ASAP2: variants seen among roughly 807,000 people sequenced by gnomAD.
ASAP2 encodes the protein arf-GAP with SH3 domain, ANK repeat and PH domain-containing protein 2.
A neutral mutation model predicts 131.4 loss-of-function variants in ASAP2; 45 were observed. The observed-to-expected ratio is 0.34, with a 90% CI of 0.27 to 0.44. The LOEUF is 0.44. ASAP2 is among the 20% of genes least tolerant of loss of function. ASAP2 has a pLI of 1.00. For synonymous variants in ASAP2, 510 were observed against 503.0 expected (o/e 1.01, Z -0.19); for missense variants, 1,011 against 1,297.0 (o/e 0.78, Z 3.39).
At position 9,388,284 on chromosome 2, in the gene ASAP2, TCTC is replaced by T; in HGVS notation, c.2131-7_2131-5del. ...GTCTCACACGCCTCTGCCCCAATGTTCTCCTGCAGCCCAGTCCCAACCGGCGGG... is the reference window on the plus strand; with the variant it reads ...GTCTCACACGCCTCTGCCCCAATGTTCTGCAGCCCAGTCCCAACCGGCGGG... On this transcript the variant is annotated splice_region_variant and splice_polypyrimidine_tract_variant and intron_variant, in intron 21 of 27. Transcript: ENST00000281419. 1 of 1,613,038 alleles carries T rather than the reference TCTC, an allele frequency of 6.2e-7. No individual in the cohort carries two copies. Among genetic ancestry groups the T allele is most frequent in the South Asian group, 1.1e-5 (1 of 90,920 alleles).
intron 11 of ASAP2, among the ~76,000 whole-genome samples, chr2:9,348,290 T>C (rs1259863817): frequency 6.6e-6 from 1 of 150,462 alleles, no homozygotes; most frequent in Non-Finnish European, 1.5e-5. Context: ...CTAATTTTTG[T>C]ATTTTTAGTA....
chr2:9,297,791 C>T (rs1668237393), intron 3 of ASAP2, among the ~76,000 whole-genome samples: 1 of 152,126 alleles, frequency 6.6e-6, no homozygotes, highest in African/African-American at 2.4e-5. Context: ...GGCATTTAAG[C>T]TTATAATATT....
intron 1 of ASAP2, among the ~76,000 whole-genome samples, chr2:9,236,792 AT>A (rs944528857): frequency 2.7e-5 from 4 of 150,934 alleles, no homozygotes; most frequent in South Asian, 2.1e-4. Context: ...GCACAGTTAA[AT>A]TTTTTTTTTC....
intron 9 of ASAP2, among the ~76,000 whole-genome samples, chr2:9,343,095 C>G (rs550975935): frequency 5.9e-5 from 9 of 152,284 alleles, no homozygotes; most frequent in African/African-American, 1.7e-4. Flanking sequence ...GAGAGTGGCC[C>G]TAGACTCTGA....
At chr2:9,374,272 A>G (rs542941915) in intron 16 of ASAP2, among the ~76,000 whole-genome samples, 9 of 152,320 alleles carry the variant, frequency 5.9e-5, no homozygotes, top group Non-Finnish European at 1.3e-4. Context: ...AAAAGAGGTC[A>G]TAGTCCATGC....
At chr2:9,229,063 G>C (rs544632981) in intron 1 of ASAP2, among the ~76,000 whole-genome samples, 6 of 152,242 alleles carry the variant, frequency 3.9e-5, no homozygotes, top group African/African-American at 1.2e-4. Context: ...GCTAGGGGCG[G>C]AAAGTGGACA....
intron 9 of ASAP2, among the ~76,000 whole-genome samples, chr2:9,338,935 T>C (rs1382109296): frequency 1.3e-5 from 2 of 152,134 alleles, no homozygotes; most frequent in Non-Finnish European, 2.9e-5. Flanking sequence ...CCCAGCACTT[T>C]GGGAGGCCAA....
At chr2:9,329,412 C>T (rs2148538237) in intron 7 of ASAP2, among the ~76,000 whole-genome samples, 1 of 152,268 alleles carries the variant, frequency 6.6e-6, no homozygotes, top group East Asian at 1.9e-4. Flanking sequence ...AAAGTTCTTG[C>T]CTTCACGGAC....
chr2:9,317,356 A>G (rs756414521), intron 3 of ASAP2, among the ~76,000 whole-genome samples: 28 of 134,310 alleles, frequency 2.1e-4, no homozygotes, highest in Admixed American at 5.2e-4. Context: ...CCCTCACACA[A>G]TCATTCACAT....
chr2:9,382,856 A>G (rs1274309357), intron 20 of ASAP2, among the ~76,000 whole-genome samples: 2 of 152,236 alleles, frequency 1.3e-5, no homozygotes, highest in African/African-American at 2.4e-5. Context: ...TGCCTGCTGC[A>G]TAGATTAAAC....
Position 9,207,254 on chromosome 2 carries a change from C to T in ASAP2, c.126+24C>T, listed in dbSNP as rs763484002. On this transcript the variant is annotated intron_variant, in intron 1 of 27. Transcript: ENST00000281419. The surrounding 1 kb of genome is among the most constrained non-coding windows in gnomAD (Gnocchi z 4.1). ...AGGTGAGGCGGCCTGCGCGGCGGCT[C>T]CGGCCGCAGGTATCCCGCGCCCCAG... 1.3e-6 allele frequency: 2 copies of T among 1,532,396 alleles called. No individual in the cohort carries two copies. The highest frequency in any genetic ancestry group is 2.0e-5 in the Admixed American group (1 of 50,064). The allele number at this position is 1,532,396 out of a possible 1,614,324, so 94.9% of individuals were successfully genotyped here. A position where few individuals can be genotyped will look rare whatever the true frequency, so the allele number is the denominator to read the frequency against.
In ASAP2 at chr2:9,391,208, T is replaced by A. The variant is rs554885506; in HGVS notation, c.2518+12T>A. On this transcript the variant is annotated intron_variant, in intron 23 of 27. Transcript: ENST00000281419. ...CGTGACATCTACCAGTACGTTTTTT[T>A]CCTTTTTCCTTTCTTGCCCGTGGGC... 8.1e-6 allele frequency: 13 copies of A among 1,604,934 alleles called. No homozygotes were observed. In the African/African-American group the frequency reaches 1.3e-4, roughly 17 times the overall value.
intron 22 of ASAP2, 141 bp from the exon 23 acceptor site, chr2:9,390,921 T>C (rs1426380284): frequency 8.8e-6 from 11 of 1,245,134 alleles, no homozygotes; most frequent in Middle Eastern, 2.5e-4. Flanking sequence ...AGTAAAAGCA[T>C]TGAGGGTTCT....
chr2:9,317,552 C>T lies in ASAP2; in HGVS notation c.346-972C>T, dbSNP rs181633521. Among the ~76,000 whole-genome samples the T allele has an allele frequency of 4.9e-3, 646 of 132,244 alleles. 8 individuals are homozygous for T. The highest frequency in any genetic ancestry group is 0.017 in the African/African-American group (609 of 35,240). The allele number at this position is 132,244 out of a possible 152,430, so 86.8% of individuals were successfully genotyped here. On this transcript the variant is annotated intron_variant, in intron 3 of 27. Coordinates refer to ENST00000281419, the MANE Select transcript of ASAP2 (RefSeq NM_003887.3). ...CTCAAATCCACACAATCTCTCACAT[C>T]CACAATCACACTCTCACACACCCAC... is the stretch of plus-strand genomic sequence containing the variant.
chr2:9,350,135 T>G (rs1001553855), intron 11 of ASAP2, among the ~76,000 whole-genome samples: 1 of 152,190 alleles, frequency 6.6e-6, no homozygotes, highest in African/African-American at 2.4e-5. Flanking sequence ...TTTTTGAAAC[T>G]GTAATAAAAT....
chr2:9,352,641 A>G (rs1041743461), intron 12 of ASAP2, among the ~76,000 whole-genome samples: 4 of 152,214 alleles, frequency 2.6e-5, no homozygotes, highest in African/African-American at 9.6e-5. Flanking sequence ...GCAAGTGTGC[A>G]TGCCTCCCTT....
chr2:9,334,039 CTTTTTTT>C (rs35495550), intron 7 of ASAP2, among the ~76,000 whole-genome samples: 1 of 53,248 alleles, frequency 1.9e-5, no homozygotes, highest in Admixed American at 3.0e-4. Context: ...TGTCTTTCTC[CTTTTTTT>C]TTTTTTTTTT....
intron 1 of ASAP2, among the ~76,000 whole-genome samples, chr2:9,221,434 C>A (rs1662415010): frequency 6.6e-6 from 1 of 151,376 alleles, no homozygotes; most frequent in East Asian, 1.9e-4. Flanking sequence ...GGATTGCAGG[C>A]ATGAGCCACT....
chr2:9,394,612 C>T (rs1026433790), intron 24 of ASAP2, among the ~76,000 whole-genome samples: 4 of 152,156 alleles, frequency 2.6e-5, no homozygotes, highest in Non-Finnish European at 5.9e-5. Flanking sequence ...GAAATATACG[C>T]ACATGTACAT....
Sources: gnomAD v4.1 joint callset for allele counts (sites outside exome capture counted in the v4.1 genomes callset) on GRCh38, gnomAD v4.1.1 for gene constraint, Gnocchi (gnomAD v3.1) non-coding constraint, MANE v1.5 for transcripts, NCBI Gene and HGNC (gene_info 2026-07-23, HGNC 2026-07-21) for gene names.